LACTB2: variants seen among roughly 807,000 people sequenced by gnomAD.
LACTB2 encodes lactamase beta 2, also known as endoribonuclease LACTB2.
Under a neutral mutation model 34.8 loss-of-function variants are expected in LACTB2, and 32 were observed. That is an observed-to-expected ratio of 0.92 (90% CI 0.69 to 1.24). The LOEUF is 1.24. Among genes scored for constraint, LACTB2 ranks in the 50% most tolerant of loss-of-function variants. The probability of loss-of-function intolerance (pLI) is 0.00; values close to 1 mark genes in which losing one functional copy is unlikely to be tolerated. For synonymous variants in LACTB2, 120 were observed against 117.5 expected (o/e 1.02, Z -0.14); for missense variants, 320 against 345.0 (o/e 0.93, Z 0.57).
chr8:70,655,641 A>T (rs918540780), intron 3 of LACTB2, among the ~76,000 whole-genome samples: 1 of 152,140 alleles, frequency 6.6e-6, no homozygotes, highest in Non-Finnish European at 1.5e-5. Context: ...GCAATTGCAA[A>T]CTGTGCTGCT....
Position 70,661,810 on chromosome 8 carries a change from G to C in LACTB2, c.210C>G (p.Ile70Met), listed in dbSNP as rs777106069. The change falls in exon 2 of 7, where the codon ATC (isoleucine) becomes ATG (methionine). Residue 70 changes from isoleucine (I) to methionine (M), a missense_variant. Coordinates refer to ENST00000276590, the MANE Select transcript of LACTB2 (RefSeq NM_016027.3). The stretch of plus-strand genomic sequence containing the variant: ...GCCAGTGAGTCACTACAATTTCCTG[G>C]ATTGCTGTGTTAAATTCAGTTAGAG... Reference protein sequence around the residue: ...KQALTEFNTAIQEIVVTHWHR... With the variant: ...KQALTEFNTAMQEIVVTHWHR... The C allele has an allele frequency of 2.0e-5, 32 of 1,613,166 alleles. No individual in the cohort carries two copies. The Admixed American group carries it at 5.0e-4, about 25-fold the overall frequency.
At chr8:70,651,091 T>C (rs2132074422) in intron 3 of LACTB2, among the ~76,000 whole-genome samples, 1 of 152,070 alleles carries the variant, frequency 6.6e-6, no homozygotes, top group Admixed American at 6.6e-5. Context: ...TTACCATAAA[T>C]ATAAAAACCA....
chr8:70,646,479 A>C (rs1818265447), intron 3 of LACTB2: 1 of 152,236 alleles, frequency 6.6e-6, no homozygotes, highest in Non-Finnish European at 1.5e-5. Context: ...AGAGAAACGC[A>C]AATCAGAAAA....
At chr8:70,647,256 AT>A (rs199728297) in intron 3 of LACTB2, among the ~76,000 whole-genome samples, 197 of 145,126 alleles carry the variant, frequency 1.4e-3, no homozygotes, top group East Asian at 1.6e-3. Context: ...TATATATATA[AT>A]TTTTTTTTTT....
At chr8:70,640,852 T>A (rs1818187618) in intron 5 of LACTB2, 50 bp downstream of exon 5, 3 of 1,485,088 alleles carry the variant, frequency 2.0e-6, no homozygotes, top group Non-Finnish European at 2.7e-6. Flanking sequence ...ACTAAATAGA[T>A]AATTCTAATA....
chr8:70,657,762 G>A lies in LACTB2; in HGVS notation c.407C>T (p.Thr136Ile), dbSNP rs770894726. 3.1e-6 allele frequency: 5 copies of A among 1,611,610 alleles called. No homozygotes were observed. The highest frequency in any genetic ancestry group is 4.2e-6 in the Non-Finnish European group (5 of 1,178,636). ...DGDVIKTEGA[T>I]LRVLYTPGHT... ...CTAAGGGACATTTACTTACCTTAGAGTGGCTCCCTCAGTCTTAATCACATC... is the reference window on the plus strand; with the variant it reads ...CTAAGGGACATTTACTTACCTTAGAATGGCTCCCTCAGTCTTAATCACATC... The change falls in exon 3 of 7, where the codon ACT becomes ATT. Residue 136 changes from threonine to isoleucine, a missense_variant. Transcript: ENST00000276590.
At chr8:70,665,094 T>TA (rs1297358554) in intron 1 of LACTB2, among the ~76,000 whole-genome samples, 1 of 152,270 alleles carries the variant, frequency 6.6e-6, no homozygotes, top group Admixed American at 6.5e-5. Flanking sequence ...AGCAAACAGT[T>TA]ACTCTATCAG....
chr8:70,654,244 G>C (rs1193469908), intron 3 of LACTB2, among the ~76,000 whole-genome samples: 1 of 152,162 alleles, frequency 6.6e-6, no homozygotes, highest in East Asian at 1.9e-4. Context: ...AGGGAGACAA[G>C]TAGTGGAAAG....
intron 3 of LACTB2, among the ~76,000 whole-genome samples, chr8:70,650,028 T>C (rs1190452851): frequency 4.6e-5 from 7 of 152,188 alleles, no homozygotes; most frequent in Non-Finnish European, 1.5e-5. Flanking sequence ...TGTCACCTAG[T>C]CTGGAGTGCA....
intron 3 of LACTB2, among the ~76,000 whole-genome samples, chr8:70,656,799 T>C (rs1818417162): frequency 6.6e-6 from 1 of 152,232 alleles, no homozygotes; most frequent in Non-Finnish European, 1.5e-5. Context: ...ATACTGATCC[T>C]ACCCAGAGAT....
intron 1 of LACTB2, chr8:70,663,365 C>A (rs6993326): frequency 0.33 from 50,484 of 152,116 alleles, 9,530 homozygotes; most frequent in Non-Finnish European, 0.43. Flanking sequence ...AACAAACTGG[C>A]CTCTCATAAG....
chr8:70,646,828 ATTC>A (rs1408782726), intron 3 of LACTB2: 2 of 152,192 alleles, frequency 1.3e-5, no homozygotes, highest in East Asian at 1.9e-4. Flanking sequence ...TTGCCTCTAT[ATTC>A]TTCTTCTACT....
intron 1 of LACTB2, among the ~76,000 whole-genome samples, chr8:70,668,150 C>A (rs768052151): frequency 6.2e-4 from 94 of 152,284 alleles, no homozygotes; most frequent in South Asian, 1.7e-3. Flanking sequence ...AAGGAAAACT[C>A]AATTAACTGT....
At position 70,661,720 on chromosome 8, in the gene LACTB2, T is replaced by C. The variant is rs774380059; in HGVS notation, c.286+14A>G. ...GGCTTTCCTCAATGAGCTTAATGAA[T>C]GTTTTCTGTTTACCATTATTGATGC... is the stretch of plus-strand genomic sequence containing the variant. On this transcript the variant is annotated intron_variant, in intron 2 of 6. Coordinates refer to ENST00000276590, the MANE Select transcript of LACTB2 (RefSeq NM_016027.3). 4 of 1,600,782 alleles carry C rather than the reference T, an allele frequency of 2.5e-6. No homozygotes were observed. In the East Asian group the frequency reaches 8.9e-5, roughly 36 times the overall value.
Position 70,669,002 on chromosome 8 carries a change from GGGCCGGTCCCCACTA to G in LACTB2, c.104_118del (p.Leu35_Gly39del), listed in dbSNP as rs1434138867. 1 of 1,586,718 alleles carries G rather than the reference GGGCCGGTCCCCACTA, an allele frequency of 6.3e-7. No individual in the cohort carries two copies. Among genetic ancestry groups the G allele is most frequent in the African/African-American group, 1.3e-5 (1 of 74,662 alleles). On this transcript the variant is annotated inframe_deletion, in exon 1 of 7. Transcript: ENST00000276590. ...GAGGTTGGAGAGGGACGTTTACCTG[GGGCCGGTCCCCACTA>G]GGTAGGTGTTGGTGCCTTGGAGGGT...
Position 70,644,989 on chromosome 8 carries a change from A to G in LACTB2, c.414-746T>C, listed in dbSNP as rs1411754488. Among the ~76,000 whole-genome samples the G allele has an allele frequency of 2.6e-5, 4 of 152,134 alleles. No individual in the cohort carries two copies. In the East Asian group the frequency reaches 7.7e-4, roughly 29 times the overall value. ...AAAACTGATATTGTTTTAATACCTG[A>G]TTTTTGAAATCTTAACTTACTATAT... is the stretch of plus-strand genomic sequence containing the variant. On this transcript the variant is annotated intron_variant, in intron 3 of 6. Transcript: ENST00000276590.
chr8:70,653,385 G>A (rs199955282), intron 3 of LACTB2, among the ~76,000 whole-genome samples: 15 of 151,950 alleles, frequency 9.9e-5, no homozygotes, highest in Admixed American at 7.2e-4. Context: ...GTGAGCCACC[G>A]CACCTGGCTA....
chr8:70,644,295 A>G, intron 3 of LACTB2, 52 bp from the exon 4 acceptor site: 1 of 1,285,440 alleles, frequency 7.8e-7, no homozygotes, highest in Non-Finnish European at 1.0e-6. Context: ...TCGAGCTTAG[A>G]AGAAATTTTG....
Position 70,640,946 on chromosome 8 carries a change from CAA to C in LACTB2, c.695_696del (p.Phe232Ter). On this transcript the variant is annotated frameshift_variant, in exon 5 of 7. Transcript: ENST00000276590. LOFTEE classifies it high-confidence loss of function. ...QQILTLFRENFEKSFTVMELV... is the reference protein window; with the variant it reads ...QQILTLFRENXEKSFTVMELV... ...AGCTCCATTACTGTAAATGATTTCTCAAAGTTCTCACGAAATAATGTAAGAAT... is the reference window on the plus strand; with the variant it reads ...AGCTCCATTACTGTAAATGATTTCTCAGTTCTCACGAAATAATGTAAGAAT... The C allele has an allele frequency of 6.2e-7, 1 of 1,607,192 alleles. No individual in the cohort carries two copies. Among genetic ancestry groups the C allele is most frequent in the Non-Finnish European group, 8.5e-7 (1 of 1,177,738 alleles).
Sources: gnomAD v4.1 joint callset for allele counts (sites outside exome capture counted in the v4.1 genomes callset) on GRCh38, gnomAD v4.1.1 for gene constraint, MANE v1.5 for transcripts, NCBI Gene and HGNC (gene_info 2026-07-23, HGNC 2026-07-21) for gene names.